The following MYO9A variants were observed in gnomAD, a reference collection of about 807,000 sequenced individuals.
The protein encoded by MYO9A is unconventional myosin-IXa.
A neutral mutation model predicts 293.3 loss-of-function variants in MYO9A; 103 were observed. The ratio of observed to expected loss-of-function variants is 0.35; its 90% CI spans 0.30 to 0.41. The LOEUF (loss-of-function observed/expected upper bound fraction) is 0.41, where lower values mean the gene tolerates loss of function less well. Among genes scored for constraint, MYO9A ranks in the 10% least tolerant of loss-of-function variants. MYO9A has a pLI of 1.00. For missense variants in MYO9A, 2,685 were observed against 3,033.0 expected (o/e 0.89, Z 2.69); for synonymous variants, 1,001 against 1,035.7 (o/e 0.97, Z 0.64).
chr15:71,835,210 T>C (rs2054891365), intron 39 of MYO9A, among the ~76,000 whole-genome samples: 1 of 152,292 alleles, frequency 6.6e-6, no homozygotes, highest in Non-Finnish European at 1.5e-5. Context: ...TGGTAAAAGG[T>C]TGAAAGCTTT....
intron 6 of MYO9A, among the ~76,000 whole-genome samples, chr15:72,010,852 A>C (rs2077151765): frequency 6.6e-6 from 1 of 152,202 alleles, no homozygotes. Flanking sequence ...CAAATATTTA[A>C]CAAGTGCCTA....
At chr15:71,951,008 A>G (rs2059037053) in intron 15 of MYO9A, among the ~76,000 whole-genome samples, 1 of 152,214 alleles carries the variant, frequency 6.6e-6, no homozygotes, top group South Asian at 2.1e-4. Context: ...AATGAGTACA[A>G]CAAATAAAGA....
At chr15:71,943,513 T>C (rs1019999478) in intron 15 of MYO9A, among the ~76,000 whole-genome samples, 2 of 152,138 alleles carry the variant, frequency 1.3e-5, no homozygotes, top group African/African-American at 4.8e-5. Context: ...TCAGGCTTCA[T>C]AACATGTAAT....
At chr15:71,849,987 T>C (rs1382359325) in intron 38 of MYO9A, 49 bp downstream of exon 38, 11 of 1,425,126 alleles carry the variant, frequency 7.7e-6, no homozygotes, top group South Asian at 1.2e-5. Context: ...AGTGACTACA[T>C]AGTCAGAAGT....
Position 71,999,861 on chromosome 15 carries a change from T to G in MYO9A, c.1460A>C (p.Lys487Thr). 6.2e-7 allele frequency: 1 copy of G among 1,611,416 alleles called. No individual in the cohort carries two copies. The highest frequency in any genetic ancestry group is 1.1e-5 in the South Asian group (1 of 90,698). The stretch of plus-strand genomic sequence containing the variant: ...GAAAATCCATCATACCTCTGCCAAC[T>G]TGTATGGCAAAATAAGCTTTTCTCC... Reference protein sequence around the residue: ...TVGEKLILPYKLAEAVTVRNS... With the variant: ...TVGEKLILPYTLAEAVTVRNS... Residue 487 changes from lysine to threonine, a missense_variant, in exon 9 of 42, where the codon AAG becomes ACG. Around this residue, in one of 10 missense-constraint regions of MYO9A, gnomAD observed 289 missense variants for 456.8 expected, o/e 0.63. Coordinates refer to ENST00000356056, the MANE Select transcript of MYO9A (RefSeq NM_006901.4).
chr15:72,061,049 A>G (rs2078864552), intron 1 of MYO9A, among the ~76,000 whole-genome samples: 1 of 152,188 alleles, frequency 6.6e-6, no homozygotes, highest in Admixed American at 6.5e-5. Flanking sequence ...TCTACATCCC[A>G]GATAACATTC....
At chr15:71,921,854 T>C (rs2058163489) in intron 18 of MYO9A, among the ~76,000 whole-genome samples, 1 of 152,304 alleles carries the variant, frequency 6.6e-6, no homozygotes, top group East Asian at 1.9e-4. Flanking sequence ...TATGAAGCCA[T>C]CACCACAATC....
chr15:72,066,893 A>G (rs2079038849), intron 1 of MYO9A, among the ~76,000 whole-genome samples: 1 of 152,004 alleles, frequency 6.6e-6, no homozygotes, highest in Admixed American at 6.6e-5. Flanking sequence ...GAAAACAACA[A>G]ATTAGTTATT....
chr15:71,954,994 C>A (rs1263868008), intron 14 of MYO9A, among the ~76,000 whole-genome samples: 1 of 152,172 alleles, frequency 6.6e-6, no homozygotes, highest in Non-Finnish European at 1.5e-5. Context: ...ACGTTTACAT[C>A]CACAAAATCC....
chr15:72,094,846 T>A lies in MYO9A; in HGVS notation c.-72+22834A>T, dbSNP rs1408709088. Reference sequence around the variant, plus strand: ...TTTTTTATTATTATATCTGTTATGGTGATCTGTGATCAGTGATCTTTGATG... The same window carrying A: ...TTTTTTATTATTATATCTGTTATGGAGATCTGTGATCAGTGATCTTTGATG... On this transcript the variant is annotated intron_variant, in intron 1 of 41. Coordinates refer to ENST00000356056, the MANE Select transcript of MYO9A (RefSeq NM_006901.4). Among the ~76,000 whole-genome samples, 9 of 91,916 alleles carry A rather than the reference T, an allele frequency of 9.8e-5. 3 individuals are homozygous for A. The highest frequency in any genetic ancestry group is 8.3e-4 in the Admixed American group (7 of 8,400). 60.3% of individuals were successfully genotyped at this position (91,916 alleles called of 152,430 possible).
chr15:71,962,257 C>A (rs974540125), intron 13 of MYO9A, among the ~76,000 whole-genome samples: 8 of 152,098 alleles, frequency 5.3e-5, no homozygotes, highest in African/African-American at 1.2e-4. Flanking sequence ...GTAAGTAAAT[C>A]GCTCCAAGTT....
chr15:71,863,709 G>T (rs2056227711), intron 32 of MYO9A, among the ~76,000 whole-genome samples: 1 of 152,022 alleles, frequency 6.6e-6, no homozygotes, highest in African/African-American at 2.4e-5. Context: ...GTGTAATTTT[G>T]TTACATGCAT....
chr15:72,101,385 G>A (rs2080311405), intron 1 of MYO9A, among the ~76,000 whole-genome samples: 1 of 145,640 alleles, frequency 6.9e-6, no homozygotes, highest in South Asian at 2.2e-4. Flanking sequence ...TGGGAGGTGA[G>A]GGGCGCCTCT....
chr15:71,908,920 C>T (rs193096647), intron 19 of MYO9A, among the ~76,000 whole-genome samples: 6 of 152,264 alleles, frequency 3.9e-5, no homozygotes, highest in African/African-American at 1.4e-4. Flanking sequence ...CTCATCCTCC[C>T]CCAACTAGAT....
At chr15:71,968,237 G>A (rs2075926257) in intron 12 of MYO9A, 112 bp from the exon 13 acceptor site, 1 of 853,542 alleles carries the variant, frequency 1.2e-6, no homozygotes, top group African/African-American at 1.7e-5. Flanking sequence ...TTACATAGCA[G>A]TTTACAAAAG....
chr15:71,973,292 A>G (rs1056726530), intron 12 of MYO9A, among the ~76,000 whole-genome samples: 1 of 152,184 alleles, frequency 6.6e-6, no homozygotes, highest in Non-Finnish European at 1.5e-5. Context: ...CTGACCAACC[A>G]GCTTCTCCTT....
chr15:71,995,123 G>T (rs533286869), intron 9 of MYO9A, among the ~76,000 whole-genome samples: 1 of 152,260 alleles, frequency 6.6e-6, no homozygotes, highest in South Asian at 2.1e-4. Flanking sequence ...ACAAAATGTA[G>T]GTCACTCAGT....
At chr15:71,933,025 A>C (rs72746337) in intron 18 of MYO9A, among the ~76,000 whole-genome samples, 19,164 of 152,116 alleles carry the variant, frequency 0.13, 1,680 homozygotes, top group Non-Finnish European at 0.19. Flanking sequence ...ATAAAAAAAA[A>C]CCAGAGCTAT....
At chr15:71,901,456 GTAAA>G in intron 22 of MYO9A, 116 bp from the exon 23 acceptor site, 2 of 990,086 alleles carry the variant, frequency 2.0e-6, no homozygotes, top group East Asian at 5.3e-5. Flanking sequence ...TGGCAGGCAT[GTAAA>G]TGAAGTACTG....
Sources: allele counts gnomAD v4.1 joint callset (sites outside exome capture counted in the v4.1 genomes callset), GRCh38; gene constraint gnomAD v4.1.1; regional missense constraint gnomAD v4.1.1; transcripts MANE v1.5; gene names NCBI Gene and HGNC (gene_info 2026-07-23, HGNC 2026-07-21).